RARB: variants seen among roughly 807,000 people sequenced by gnomAD.
RARB encodes retinoic acid receptor beta, also known as HBV-activated protein.
In RARB, 17 loss-of-function variants were observed where a neutral mutation model predicts 51.9. The ratio of observed to expected loss-of-function variants is 0.33; its 90% CI spans 0.22 to 0.49. The LOEUF (loss-of-function observed/expected upper bound fraction) is 0.49, where lower values mean the gene tolerates loss of function less well. RARB is among the 20% of genes least tolerant of loss of function. RARB has a pLI of 0.99. For missense variants in RARB, 369 were observed against 550.8 expected, an observed-to-expected ratio of 0.67 and a Z score of 3.30; for synonymous variants, 215 against 195.4, an observed-to-expected ratio of 1.10 and a Z score of -0.84.
intron 2 of RARB, among the ~76,000 whole-genome samples, chr3:24,964,075 T>G (rs1007887473): frequency 2.6e-5 from 4 of 152,156 alleles, no homozygotes; most frequent in Non-Finnish European, 5.9e-5. Context: ...TCTTCTGTTT[T>G]GATTGCCAAA....
chr3:25,045,728 T>G (rs1214390990), intron 2 of RARB, among the ~76,000 whole-genome samples: 1 of 152,262 alleles, frequency 6.6e-6, no homozygotes, highest in Non-Finnish European at 1.5e-5. Flanking sequence ...TTGAATCTGT[T>G]ACTTAGGGAA....
intron 2 of RARB, among the ~76,000 whole-genome samples, chr3:25,486,568 G>T (rs1696484252): frequency 6.6e-6 from 1 of 152,188 alleles, no homozygotes; most frequent in Non-Finnish European, 1.5e-5. Context: ...GATACAAAAA[G>T]CTAGAGTTAT....
chr3:25,055,473 A>T (rs1201482706), intron 2 of RARB, among the ~76,000 whole-genome samples: 1 of 152,214 alleles, frequency 6.6e-6, no homozygotes, highest in Non-Finnish European at 1.5e-5. Flanking sequence ...TATAATTTGC[A>T]CAAGTTCCAG....
At chr3:24,999,842 A>G (rs574952100) in intron 2 of RARB, among the ~76,000 whole-genome samples, 32 of 152,286 alleles carry the variant, frequency 2.1e-4, no homozygotes, top group African/African-American at 6.7e-4. Context: ...CGTTTTCTCC[A>G]TAACTAGCAA....
At chr3:24,890,344 C>T (rs116132820) in intron 2 of RARB, among the ~76,000 whole-genome samples, 10 of 152,178 alleles carry the variant, frequency 6.6e-5, no homozygotes, top group African/African-American at 2.4e-4. Flanking sequence ...AGACTTTTCT[C>T]TCTGTTACTT....
At chr3:25,068,394 G>T (rs1240859763) in intron 3 of RARB, among the ~76,000 whole-genome samples, 1 of 151,872 alleles carries the variant, frequency 6.6e-6, no homozygotes, top group African/African-American at 2.4e-5. Context: ...CTTCTCCCAT[G>T]ACAAGATATT....
chr3:25,397,991 C>G (rs892731494), intron 5 of RARB, among the ~76,000 whole-genome samples: 1 of 151,870 alleles, frequency 6.6e-6, no homozygotes, highest in African/African-American at 2.4e-5. Context: ...TTCCTATAGT[C>G]TTTAAAATTT....
intron 3 of RARB, among the ~76,000 whole-genome samples, chr3:25,505,071 G>A (rs1697517476): frequency 6.6e-6 from 1 of 152,142 alleles, no homozygotes; most frequent in Non-Finnish European, 1.5e-5. Context: ...GAGCCACCGC[G>A]CCTGGCCTGC....
chr3:24,877,184 A>C (rs886276771), intron 2 of RARB, among the ~76,000 whole-genome samples: 1 of 152,004 alleles, frequency 6.6e-6, no homozygotes, highest in Non-Finnish European at 1.5e-5. Flanking sequence ...CTTAGCTGGG[A>C]ACATTTCTTA....
chr3:25,070,263 A>G (rs1193371285), intron 3 of RARB, among the ~76,000 whole-genome samples: 3 of 152,192 alleles, frequency 2.0e-5, no homozygotes, highest in Non-Finnish European at 4.4e-5. Context: ...TCTCATCTGA[A>G]CTAATTACAT....
intron 2 of RARB, among the ~76,000 whole-genome samples, chr3:25,034,857 A>G (rs374741426): frequency 1.3e-5 from 2 of 152,202 alleles, no homozygotes; most frequent in East Asian, 3.8e-4. Flanking sequence ...ACCTGGAAAC[A>G]TTGGAGTGCC....
chr3:25,173,722 T>C (rs921715965), intron 4 of RARB, among the ~76,000 whole-genome samples: 1 of 152,224 alleles, frequency 6.6e-6, no homozygotes, highest in Non-Finnish European at 1.5e-5. Context: ...GGTACTCTTC[T>C]AGGAGCTTAA....
intron 5 of RARB, among the ~76,000 whole-genome samples, chr3:25,375,146 A>T (rs1706421097): frequency 6.6e-6 from 1 of 152,242 alleles, no homozygotes; most frequent in African/African-American, 2.4e-5. Context: ...GGAAAAAAAT[A>T]AAGCCTGGAA....
At chr3:24,947,725 C>T (rs1180167028) in intron 2 of RARB, among the ~76,000 whole-genome samples, 5 of 152,008 alleles carry the variant, frequency 3.3e-5, no homozygotes, top group South Asian at 4.2e-4. Context: ...CCATAGTGTG[C>T]GAAGAAGGGA....
chr3:24,993,409 CTT>C (rs201819959), intron 2 of RARB, among the ~76,000 whole-genome samples: 4 of 151,634 alleles, frequency 2.6e-5, no homozygotes, highest in East Asian at 1.9e-4. Context: ...TTTTCAAAGT[CTT>C]TTTTTTAATT....
At chr3:24,932,902 T>C (rs1173443337) in intron 2 of RARB, among the ~76,000 whole-genome samples, 1 of 152,112 alleles carries the variant, frequency 6.6e-6, no homozygotes, top group East Asian at 1.9e-4. Flanking sequence ...TTAATGATTA[T>C]GGAAGAGAGA....
intron 5 of RARB, among the ~76,000 whole-genome samples, chr3:25,336,069 G>GAA (rs1255174007): frequency 9.8e-5 from 13 of 132,102 alleles, no homozygotes; most frequent in African/African-American, 2.2e-4. Flanking sequence ...ACTGGGGAGG[G>GAA]AAAAAAAAAA....
chr3:25,510,221 A>C lies in RARB; in HGVS notation c.448+8898A>C, dbSNP rs377577220. On this transcript the variant is annotated intron_variant, in intron 3 of 7. Coordinates refer to ENST00000330688, the MANE Select transcript of RARB (RefSeq NM_000965.5). ...CCCATGGGTCTTAATTCTAATTCCCAGCATCCTTTCAACTACCCTTTGCTT... is the reference window on the plus strand; with the variant it reads ...CCCATGGGTCTTAATTCTAATTCCCCGCATCCTTTCAACTACCCTTTGCTT... Among the ~76,000 whole-genome samples the C allele has an allele frequency of 8.5e-5, 13 of 152,352 alleles. No homozygotes were observed. In the East Asian group the frequency reaches 2.5e-3, roughly 29 times the overall value.
intron 1 of RARB, among the ~76,000 whole-genome samples, chr3:24,851,360 C>G (rs536881806): frequency 1.9e-4 from 29 of 149,914 alleles, no homozygotes; most frequent in African/African-American, 5.9e-4. Flanking sequence ...CTGGGGAAGT[C>G]AAGGCTGCAG....
Sources: allele counts gnomAD v4.1 joint callset (sites outside exome capture counted in the v4.1 genomes callset), GRCh38; gene constraint gnomAD v4.1.1; transcripts MANE v1.5; gene names NCBI Gene and HGNC (gene_info 2026-07-23, HGNC 2026-07-21).